STK3: variants seen among roughly 807,000 people sequenced by gnomAD.
STK3 encodes serine/threonine kinase 3, also known as serine/threonine-protein kinase 3.
In STK3, 41 loss-of-function variants were observed where a neutral mutation model predicts 58.0. The observed-to-expected ratio is 0.71, with a 90% CI of 0.55 to 0.92. The LOEUF is 0.92. Among genes scored for constraint, STK3 ranks in the 40% least tolerant of loss-of-function variants. The pLI is 0.00. For synonymous variants in STK3, 170 were observed against 191.0 expected, an observed-to-expected ratio of 0.89 and a Z score of 0.91; for missense variants, 479 against 602.7, an observed-to-expected ratio of 0.79 and a Z score of 2.15.
intron 3 of STK3, among the ~76,000 whole-genome samples, chr8:98,753,585 C>T (rs1830111655): frequency 6.6e-6 from 1 of 151,670 alleles, no homozygotes; most frequent in Admixed American, 6.6e-5. Context: ...CAAGTTTACC[C>T]ATGTAACAAA....
chr8:98,490,774 G>A (rs1053057240), intron 10 of STK3, among the ~76,000 whole-genome samples: 4 of 152,168 alleles, frequency 2.6e-5, no homozygotes, highest in South Asian at 2.1e-4. Context: ...TTCCCTGTTC[G>A]TGGGGGTGCG....
chr8:98,549,663 A>G (rs1339618196), intron 8 of STK3, among the ~76,000 whole-genome samples: 1 of 152,134 alleles, frequency 6.6e-6, no homozygotes, highest in African/African-American at 2.4e-5. Flanking sequence ...GTCAGTAATA[A>G]AAGTACAAAT....
intron 6 of STK3, among the ~76,000 whole-genome samples, chr8:98,628,593 T>C (rs1394987190): frequency 1.3e-5 from 2 of 151,962 alleles, no homozygotes; most frequent in Non-Finnish European, 2.9e-5. Context: ...GGCCAAGAGT[T>C]AGAAACTAGC....
At chr8:98,397,355 C>T (rs1041322644), downstream of STK3, among the ~76,000 whole-genome samples, 2 of 152,126 alleles carry the variant, frequency 1.3e-5, no homozygotes, top group African/African-American at 4.8e-5. Context: ...ACGGTGAAAT[C>T]CTGTCTCTAC....
chr8:98,648,565 GA>G (rs1563843310), intron 6 of STK3, among the ~76,000 whole-genome samples: 1 of 152,136 alleles, frequency 6.6e-6, no homozygotes, highest in African/African-American at 2.4e-5. Flanking sequence ...CACCAATATT[GA>G]GTGGAGCCAT....
intron 6 of STK3, among the ~76,000 whole-genome samples, chr8:98,671,597 T>G (rs1389095439): frequency 6.6e-6 from 1 of 152,094 alleles, no homozygotes; most frequent in East Asian, 1.9e-4. Context: ...TTTGTTTTTT[T>G]GGGACAGGGT....
At chr8:98,555,798 T>A (rs1811544059) in intron 8 of STK3, among the ~76,000 whole-genome samples, 1 of 152,044 alleles carries the variant, frequency 6.6e-6, no homozygotes, top group Non-Finnish European at 1.5e-5. Flanking sequence ...AATACATAGC[T>A]GAGTTTTCAA....
the STK3 span, among the ~76,000 whole-genome samples, chr8:98,345,028 G>A: frequency 6.6e-6 from 1 of 151,690 alleles, no homozygotes; most frequent in African/African-American, 2.4e-5. Context: ...TTATAAAGGA[G>A]GTATAAAATA....
chr8:98,717,885 G>T (rs570676125), intron 4 of STK3, among the ~76,000 whole-genome samples: 66 of 152,278 alleles, frequency 4.3e-4, no homozygotes, highest in African/African-American at 1.5e-3. Context: ...AGGCAATTCT[G>T]CAATATGCTA....
chr8:98,915,305 T>C (rs909075215), intron 1 of STK3, among the ~76,000 whole-genome samples: 1 of 151,786 alleles, frequency 6.6e-6, no homozygotes, highest in African/African-American at 2.4e-5. Context: ...GGATGCTTCC[T>C]GCCCTCGAAC....
intron 1 of STK3, among the ~76,000 whole-genome samples, chr8:98,787,167 CAAAAAAAA>C (rs35568354): frequency 6.5e-3 from 148 of 22,688 alleles, no homozygotes; most frequent in African/African-American, 0.011. Context: ...GACTCCACCT[CAAAAAAAA>C]AAAAAAAAAA....
intron 2 of STK3, among the ~76,000 whole-genome samples, chr8:98,377,095 AT>A (rs915766116): frequency 1.3e-4 from 20 of 152,196 alleles, no homozygotes; most frequent in Non-Finnish European, 2.1e-4. Context: ...TAATGCTGTC[AT>A]TTTAGACATC....
At chr8:98,423,840 G>A (rs1245907461) in intron 3 of STK3, among the ~76,000 whole-genome samples, 1 of 152,214 alleles carries the variant, frequency 6.6e-6, no homozygotes, top group Non-Finnish European at 1.5e-5. Flanking sequence ...CATTGGCAGT[G>A]AAGGCAGAGA....
At chr8:98,865,966 C>A (rs1564070576) in intron 3 of STK3, among the ~76,000 whole-genome samples, 2 of 152,232 alleles carry the variant, frequency 1.3e-5, no homozygotes, top group South Asian at 4.1e-4. Flanking sequence ...CTGGAGTGGG[C>A]AGAGGCTCTG....
intron 2 of STK3, 144 bp downstream of exon 2, chr8:98,774,595 A>G: frequency 1.9e-6 from 1 of 518,394 alleles, no homozygotes; most frequent in South Asian, 5.3e-5. Flanking sequence ...TAATCTTTAA[A>G]ATTCAGTATC....
At chr8:98,350,165 T>C in the STK3 span, among the ~76,000 whole-genome samples, 3 of 152,208 alleles carry the variant, frequency 2.0e-5, no homozygotes, top group African/African-American at 7.2e-5. Flanking sequence ...TAGAAATTTC[T>C]TCTGCCAGAT....
At chr8:98,737,985 C>T (rs1481536461) in intron 4 of STK3, among the ~76,000 whole-genome samples, 8 of 152,170 alleles carry the variant, frequency 5.3e-5, no homozygotes, top group African/African-American at 1.9e-4. Flanking sequence ...GCCAGGATTA[C>T]AGGCGTGAGC....
At chr8:98,677,621 A>T (rs1175261016) in intron 6 of STK3, among the ~76,000 whole-genome samples, 1 of 151,982 alleles carries the variant, frequency 6.6e-6, no homozygotes, top group Non-Finnish European at 1.5e-5. Context: ...ACATTTGTAA[A>T]AGGTCATCAA....
chr8:98,473,293 C>T (rs1821062690), intron 10 of STK3, among the ~76,000 whole-genome samples: 1 of 151,488 alleles, frequency 6.6e-6, no homozygotes, highest in African/African-American at 2.4e-5. Context: ...GGCTGGATTG[C>T]CCCAAAGTAG....
Sources: allele counts gnomAD v4.1 joint callset (sites outside exome capture counted in the v4.1 genomes callset), GRCh38; gene constraint gnomAD v4.1.1; transcripts MANE v1.5; gene names NCBI Gene and HGNC (gene_info 2026-07-23, HGNC 2026-07-21).